STK39: variants seen among roughly 807,000 people sequenced by gnomAD.
The protein encoded by STK39 is STE20/SPS1-related proline-alanine-rich protein kinase.
A neutral mutation model predicts 77.8 loss-of-function variants in STK39; 20 were observed. The ratio of observed to expected loss-of-function variants is 0.26; its 90% CI spans 0.18 to 0.37. The LOEUF is 0.37. Ranked by LOEUF, STK39 falls within the 10% of genes least tolerant of loss-of-function variation. The probability of loss-of-function intolerance (pLI) is 1.00; values close to 1 mark genes in which losing one functional copy is unlikely to be tolerated. For synonymous variants in STK39, 246 were observed against 234.1 expected (o/e 1.05, Z -0.47); for missense variants, 479 against 656.5 (o/e 0.73, Z 2.95).
intron 14 of STK39, among the ~76,000 whole-genome samples, chr2:168,017,777 A>G (rs554528448): frequency 3.3e-4 from 51 of 152,272 alleles, no homozygotes; most frequent in African/African-American, 1.2e-3. Flanking sequence ...TAAAAGTGAA[A>G]CAAACAGGGA....
At chr2:168,191,172 G>A (rs1325112689) in intron 1 of STK39, among the ~76,000 whole-genome samples, 1 of 152,152 alleles carries the variant, frequency 6.6e-6, no homozygotes, top group Non-Finnish European at 1.5e-5. Context: ...CGTTGGCTTT[G>A]CATAAATAAG....
chr2:167,993,126 C>T (rs1308703138), intron 16 of STK39, among the ~76,000 whole-genome samples: 1 of 152,130 alleles, frequency 6.6e-6, no homozygotes, highest in Non-Finnish European at 1.5e-5. Flanking sequence ...TCATCTGCAC[C>T]CAGAATGAGC....
At chr2:168,241,329 T>TGGCA (rs1690752553) in intron 1 of STK39, among the ~76,000 whole-genome samples, 1 of 152,198 alleles carries the variant, frequency 6.6e-6, no homozygotes, top group Admixed American at 6.5e-5. Context: ...CCTGCCAGCA[T>TGGCA]GGCAGCCTCC....
intron 10 of STK39, among the ~76,000 whole-genome samples, chr2:168,078,120 A>G (rs924675844): frequency 3.3e-5 from 5 of 152,204 alleles, no homozygotes; most frequent in African/African-American, 9.6e-5. Context: ...CTTCTCAGAG[A>G]AACAAGCTCA....
At chr2:168,034,249 AAG>A (rs1160680634) in intron 14 of STK39, among the ~76,000 whole-genome samples, 1 of 152,214 alleles carries the variant, frequency 6.6e-6, no homozygotes, top group Non-Finnish European at 1.5e-5. Flanking sequence ...GTTTGAAACA[AAG>A]AGACTGGGAT....
rs1574565001 is a variant in STK39 at position 168,217,628 on chromosome 2, T to C, written c.208+29600A>G. On this transcript the variant is annotated intron_variant, in intron 1 of 17. Transcript: ENST00000355999. ...TGTATAAAATGATGTAGTATTTGCA[T>C]ATAACCTATGCATATCTTCCTGTAT... is the stretch of plus-strand genomic sequence containing the variant. Among the ~76,000 whole-genome samples, 5 of 152,328 alleles carry C rather than the reference T, an allele frequency of 3.3e-5. No individual in the cohort carries two copies. In the South Asian group the frequency reaches 1.0e-3, roughly 32 times the overall value.
intron 14 of STK39, among the ~76,000 whole-genome samples, chr2:168,023,261 CTT>C (rs373354840): frequency 1.4e-4 from 19 of 139,802 alleles, no homozygotes; most frequent in Admixed American, 1.4e-4. Flanking sequence ...TGCTGACAAA[CTT>C]TTTTTTTTTT....
intron 1 of STK39, among the ~76,000 whole-genome samples, chr2:168,203,283 G>C (rs1234816710): frequency 6.6e-6 from 1 of 152,134 alleles, no homozygotes; most frequent in Admixed American, 6.5e-5. Flanking sequence ...GGTAAAGGAA[G>C]AACCAGACAT....
chr2:168,012,189 AT>A (rs1326833453), intron 16 of STK39, among the ~76,000 whole-genome samples: 1,566 of 146,346 alleles, frequency 0.011, 35 homozygotes, highest in African/African-American at 0.035. Flanking sequence ...ATTAAATATG[AT>A]TTTTTTTTTT....
chr2:167,959,859 C>T (rs1322453954), intron 17 of STK39, among the ~76,000 whole-genome samples: 1 of 151,988 alleles, frequency 6.6e-6, no homozygotes, highest in African/African-American at 2.4e-5. Flanking sequence ...CCAGTTTTAC[C>T]CACCACGGCT....
chr2:168,059,302 C>T (rs1034065296), intron 14 of STK39, among the ~76,000 whole-genome samples: 12 of 152,138 alleles, frequency 7.9e-5, no homozygotes, highest in African/African-American at 2.4e-4. Context: ...GTCACTCCTG[C>T]GATTAAGTTA....
chr2:168,081,758 A>G (rs1010446510), intron 10 of STK39, among the ~76,000 whole-genome samples: 1 of 152,088 alleles, frequency 6.6e-6, no homozygotes, highest in Non-Finnish European at 1.5e-5. Flanking sequence ...GTGGGAGGTA[A>G]TTGAATTATG....
At chr2:168,047,848 T>C (rs1054688163) in intron 14 of STK39, among the ~76,000 whole-genome samples, 4 of 152,214 alleles carry the variant, frequency 2.6e-5, no homozygotes, top group African/African-American at 9.7e-5. Context: ...GGATTTACAT[T>C]AATACTTTGT....
intron 2 of STK39, among the ~76,000 whole-genome samples, chr2:168,174,480 T>C (rs1422509855): frequency 6.6e-6 from 1 of 152,128 alleles, no homozygotes; most frequent in African/African-American, 2.4e-5. Flanking sequence ...AATACAGTAG[T>C]GATATTGAAA....
At chr2:168,171,243 G>T (rs148062355) in intron 2 of STK39, among the ~76,000 whole-genome samples, 1 of 152,220 alleles carries the variant, frequency 6.6e-6, no homozygotes, top group Non-Finnish European at 1.5e-5. Flanking sequence ...TGAAGTGGCA[G>T]CCACAGCAGC....
chr2:168,193,200 C>G (rs1689381984), intron 1 of STK39, among the ~76,000 whole-genome samples: 1 of 152,224 alleles, frequency 6.6e-6, no homozygotes, highest in African/African-American at 2.4e-5. Flanking sequence ...TAACCCAACT[C>G]CTGCTTTTCC....
chr2:168,160,249 G>T (rs1353430001), intron 5 of STK39, among the ~76,000 whole-genome samples: 1 of 152,196 alleles, frequency 6.6e-6, no homozygotes, highest in African/African-American at 2.4e-5. Flanking sequence ...TCATAAAACA[G>T]AAAATTAGTT....
intron 5 of STK39, among the ~76,000 whole-genome samples, chr2:168,143,707 T>C (rs945855503): frequency 4.3e-5 from 6 of 140,234 alleles, no homozygotes; most frequent in African/African-American, 8.8e-5. Context: ...AGCAAGACTT[T>C]GTCTCAAAAA....
At chr2:168,158,372 C>A (rs1471773440) in intron 5 of STK39, among the ~76,000 whole-genome samples, 1 of 152,092 alleles carries the variant, frequency 6.6e-6, no homozygotes, top group East Asian at 1.9e-4. Flanking sequence ...GAGCTTAATT[C>A]TATACCAAAT....
Sources: gnomAD v4.1 joint callset for allele counts (sites outside exome capture counted in the v4.1 genomes callset) on GRCh38, gnomAD v4.1.1 for gene constraint, MANE v1.5 for transcripts, NCBI Gene and HGNC (gene_info 2026-07-23, HGNC 2026-07-21) for gene names.